DLG2: variants seen among roughly 807,000 people sequenced by gnomAD.
DLG2 encodes discs large MAGUK scaffold protein 2.
DLG2 carries 45 observed loss-of-function variants against 132.5 expected under a neutral mutation model. The observed-to-expected ratio is 0.34, with a 90% CI of 0.27 to 0.44. DLG2 has a LOEUF of 0.44. DLG2 is among the 20% of genes least tolerant of loss of function. The pLI, the probability that DLG2 is intolerant of heterozygous loss-of-function variation, is 1.00. For synonymous variants in DLG2, 424 were observed against 419.6 expected, an observed-to-expected ratio of 1.01 and a Z score of -0.13; for missense variants, 1,045 against 1,196.9, an observed-to-expected ratio of 0.87 and a Z score of 1.87.
intron 6 of DLG2, among the ~76,000 whole-genome samples, chr11:84,969,095 A>C (rs1412483301): frequency 6.6e-6 from 1 of 151,806 alleles, no homozygotes; most frequent in East Asian, 1.9e-4. Context: ...AAAAAAGTAC[A>C]GAACTGTCTT....
chr11:83,990,752 T>G (rs2154182348), intron 11 of DLG2, among the ~76,000 whole-genome samples: 1 of 152,294 alleles, frequency 6.6e-6, no homozygotes, highest in African/African-American at 2.4e-5. Flanking sequence ...GGGCCATCTC[T>G]AAACAATTCA....
intron 18 of DLG2, among the ~76,000 whole-genome samples, chr11:83,703,439 C>T (rs1250672921): frequency 2.0e-5 from 3 of 152,086 alleles, no homozygotes; most frequent in African/African-American, 7.2e-5. Flanking sequence ...CACCTGAGGT[C>T]GGGAGTTAGA....
intron 6 of DLG2, among the ~76,000 whole-genome samples, chr11:85,007,662 CTCAAAAAAAAA>C (rs1278953641): frequency 3.2e-5 from 1 of 31,330 alleles, no homozygotes; most frequent in Admixed American, 5.6e-4. Context: ...AAGACTCCGT[CTCAAAAAAAAA>C]AAAAAAAAAA....
intron 3 of DLG2, among the ~76,000 whole-genome samples, chr11:85,439,391 G>C (rs908957623): frequency 2.1e-5 from 3 of 141,630 alleles, no homozygotes; most frequent in East Asian, 2.0e-4. Flanking sequence ...GGACAGCCTC[G>C]CTCTGTCGCC....
At chr11:84,037,760 G>A (rs2095907803) in intron 11 of DLG2, among the ~76,000 whole-genome samples, 1 of 151,902 alleles carries the variant, frequency 6.6e-6, no homozygotes, top group South Asian at 2.1e-4. Flanking sequence ...TATATTAAAT[G>A]GTAGTTTTTC....
At chr11:85,092,657 T>TG (rs917023266) in intron 6 of DLG2, among the ~76,000 whole-genome samples, 2 of 151,792 alleles carry the variant, frequency 1.3e-5, no homozygotes, top group African/African-American at 4.8e-5. Flanking sequence ...TTTTTTTTTT[T>TG]TTTCAGACAG....
intron 7 of DLG2, among the ~76,000 whole-genome samples, chr11:84,263,211 T>C (rs949108094): frequency 2.6e-5 from 4 of 151,992 alleles, no homozygotes; most frequent in Non-Finnish European, 5.9e-5. Context: ...AAGTTCATCC[T>C]GCTAGGAAAT....
chr11:83,875,249 G>C (rs1015260035), intron 15 of DLG2, among the ~76,000 whole-genome samples: 16 of 152,054 alleles, frequency 1.1e-4, no homozygotes, highest in African/African-American at 3.6e-4. Flanking sequence ...AGAAAAGACT[G>C]ATTTTGTAGA....
At chr11:85,183,727 G>A (rs2079890443) in intron 4 of DLG2, among the ~76,000 whole-genome samples, 2 of 151,864 alleles carry the variant, frequency 1.3e-5, no homozygotes, top group African/African-American at 2.4e-5. Flanking sequence ...GTCCAAATTA[G>A]CCATGCTCCT....
chr11:84,868,090 T>C (rs991007514), intron 6 of DLG2, among the ~76,000 whole-genome samples: 2 of 148,244 alleles, frequency 1.3e-5, no homozygotes, highest in African/African-American at 2.4e-5. Context: ...ATAATAATTC[T>C]TATTAATAAT....
chr11:83,769,216 C>T (rs940553291), intron 18 of DLG2, among the ~76,000 whole-genome samples: 68 of 152,114 alleles, frequency 4.5e-4, no homozygotes, highest in East Asian at 3.9e-4. Flanking sequence ...GTTAGTTCAC[C>T]ATTTATTTTT....
chr11:83,529,038 A>T (rs2095674459), intron 21 of DLG2, among the ~76,000 whole-genome samples: 1 of 152,104 alleles, frequency 6.6e-6, no homozygotes, highest in Non-Finnish European at 1.5e-5. Flanking sequence ...CTGCTTTCAC[A>T]GATACTAATT....
intron 6 of DLG2, among the ~76,000 whole-genome samples, chr11:84,637,692 C>G (rs1029665687): frequency 6.6e-6 from 1 of 152,236 alleles, no homozygotes; most frequent in African/African-American, 2.4e-5. Flanking sequence ...GCACTACTCT[C>G]TAGACATCGC....
chr11:84,483,187 C>A (rs537844353), intron 7 of DLG2, among the ~76,000 whole-genome samples: 176 of 152,252 alleles, frequency 1.2e-3, no homozygotes, highest in African/African-American at 4.2e-3. Flanking sequence ...AATCCCAGCA[C>A]TTTGGGAGGC....
chr11:85,434,428 C>T (rs1215707104), intron 3 of DLG2, among the ~76,000 whole-genome samples: 2 of 150,490 alleles, frequency 1.3e-5, no homozygotes, highest in Admixed American at 6.6e-5. Context: ...AGACCACTAA[C>T]AGACTAATAA....
chr11:85,254,915 C>A (rs774030254), intron 4 of DLG2, among the ~76,000 whole-genome samples: 1 of 151,342 alleles, frequency 6.6e-6, no homozygotes, highest in African/African-American at 2.4e-5. Context: ...AGTAGAATGG[C>A]GTGAACCCAG....
At chr11:85,437,389 T>C (rs886416217) in intron 3 of DLG2, among the ~76,000 whole-genome samples, 1 of 152,186 alleles carries the variant, frequency 6.6e-6, no homozygotes, top group Non-Finnish European at 1.5e-5. Context: ...GTTTCATACA[T>C]TGACTGCCAA....
chr11:85,081,805 C>G (rs1243694922), intron 6 of DLG2, among the ~76,000 whole-genome samples: 1 of 152,148 alleles, frequency 6.6e-6, no homozygotes, highest in Non-Finnish European at 1.5e-5. Context: ...GCTGTGAAAT[C>G]TTAATTTTTC....
At chr11:83,659,239 T>C (rs1483371545) in intron 18 of DLG2, among the ~76,000 whole-genome samples, 2 of 152,230 alleles carry the variant, frequency 1.3e-5, no homozygotes, top group South Asian at 2.1e-4. Context: ...TAGGTACTGT[T>C]ATCCCATTTT....
Sources: gnomAD v4.1 joint callset for allele counts (sites outside exome capture counted in the v4.1 genomes callset) on GRCh38, gnomAD v4.1.1 for gene constraint, MANE v1.5 for transcripts, NCBI Gene and HGNC (gene_info 2026-07-23, HGNC 2026-07-21) for gene names.